TUT4: variants seen among roughly 807,000 people sequenced by gnomAD.
TUT4 encodes terminal uridylyltransferase 4.
A neutral mutation model predicts 192.2 loss-of-function variants in TUT4; 36 were observed. That is an observed-to-expected ratio of 0.19 (90% CI 0.14 to 0.25). The LOEUF (loss-of-function observed/expected upper bound fraction) is 0.25, where lower values mean the gene tolerates loss of function less well. Ranked by LOEUF, TUT4 falls within the 10% of genes least tolerant of loss-of-function variation. TUT4 has a pLI of 1.00. For synonymous variants in TUT4, 618 were observed against 666.0 expected, an observed-to-expected ratio of 0.93 and a Z score of 1.11; for missense variants, 1,493 against 1,957.2, an observed-to-expected ratio of 0.76 and a Z score of 4.47.
chr1:52,475,138 T>C lies in TUT4; in HGVS notation c.2421A>G (p.Glu807=). ...GTTTCTTATCTAATTTTGGCTCTAT[T>C]TCACTGCTTTTGCTGGTAGAAAGAG... ...SSSLSTSKSS[E]IEPKLDKKQD... Residue 807 remains glutamate (E), a synonymous_variant, in exon 13 of 30, where the codon GAA becomes GAG. Transcript: ENST00000257177. 2 of 1,614,174 alleles carry C rather than the reference T, an allele frequency of 1.2e-6. No homozygotes were observed. Among genetic ancestry groups the C allele is most frequent in the Non-Finnish European group, 1.7e-6 (2 of 1,180,028 alleles).
intron 9 of TUT4, among the ~76,000 whole-genome samples, chr1:52,484,422 C>CA (rs1669284710): frequency 6.6e-6 from 1 of 152,038 alleles, no homozygotes; most frequent in African/African-American, 2.4e-5. Flanking sequence ...TGAGCGTCCT[C>CA]AAATTTTGGT....
chr1:52,471,122 T>C (rs916319583), intron 14 of TUT4, among the ~76,000 whole-genome samples: 25 of 149,948 alleles, frequency 1.7e-4, no homozygotes, highest in African/African-American at 5.9e-4. Flanking sequence ...GTCCAAGCGA[T>C]TCTCCTGCCT....
intron 20 of TUT4, among the ~76,000 whole-genome samples, chr1:52,447,561 C>T (rs986424821): frequency 6.6e-6 from 1 of 151,234 alleles, no homozygotes; most frequent in South Asian, 2.1e-4. Context: ...AATCCGCTGT[C>T]CTAAGGAGAA....
At chr1:52,477,649 T>A in intron 12 of TUT4, 59 bp downstream of exon 12, 1 of 1,470,400 alleles carries the variant, frequency 6.8e-7, no homozygotes, top group South Asian at 1.3e-5. Context: ...AACACTGAAT[T>A]AGATAATGAG....
At chr1:52,474,640 C>A (rs1666640696) in intron 13 of TUT4, among the ~76,000 whole-genome samples, 192 bp downstream of exon 13, 1 of 152,052 alleles carries the variant, frequency 6.6e-6, no homozygotes. Context: ...AATGCTGAAA[C>A]CTTTTGAGGC....
intron 27 of TUT4, chr1:52,434,866 AACTT>A (rs1418598836): frequency 1.3e-5 from 2 of 152,074 alleles, no homozygotes; most frequent in Admixed American, 6.6e-5. Context: ...TAGTAAAATA[AACTT>A]ATGAGTCTGA....
At chr1:52,492,748 G>A (rs1418477344) in intron 7 of TUT4, among the ~76,000 whole-genome samples, 1 of 152,160 alleles carries the variant, frequency 6.6e-6, no homozygotes, top group Non-Finnish European at 1.5e-5. Flanking sequence ...CCTGGTTTGA[G>A]AATCTTGTAA....
chr1:52,528,507 A>AAT (rs1682465473), intron 1 of TUT4, among the ~76,000 whole-genome samples: 1 of 151,346 alleles, frequency 6.6e-6, no homozygotes, highest in African/African-American at 2.4e-5. Context: ...AAAAAAAAAA[A>AAT]GTGATTTTAT....
chr1:52,544,972 CTT>C, intron 1 of TUT4, among the ~76,000 whole-genome samples: 1 of 151,288 alleles, frequency 6.6e-6, no homozygotes, highest in Admixed American at 6.6e-5. Flanking sequence ...GGGATGATCT[CTT>C]GAGCCCAGGG....
chr1:52,526,689 T>C (rs115710644), intron 1 of TUT4, among the ~76,000 whole-genome samples: 1 of 152,158 alleles, frequency 6.6e-6, no homozygotes, highest in Admixed American at 6.6e-5. Flanking sequence ...ATTGAATGTA[T>C]CACAATTAAC....
Position 52,497,198 on chromosome 1 carries a change from A to G in TUT4, c.1000-15T>C, listed in dbSNP as rs1335680196. ...TCTTGTTTTTCCTATTAATGTAATG[A>G]TTCACAACAATAAAAACAAAAAAAG... On this transcript the variant is annotated splice_polypyrimidine_tract_variant and intron_variant, in intron 4 of 29. Transcript: ENST00000257177. 3 of 1,566,360 alleles carry G rather than the reference A, an allele frequency of 1.9e-6. No individual in the cohort carries two copies. Among genetic ancestry groups the G allele is most frequent in the Non-Finnish European group, 2.6e-6 (3 of 1,162,990 alleles).
At chr1:52,502,302 G>C (rs1674360505) in intron 4 of TUT4, among the ~76,000 whole-genome samples, 1 of 152,078 alleles carries the variant, frequency 6.6e-6, no homozygotes, top group Admixed American at 6.5e-5. Flanking sequence ...CATTTAAACA[G>C]TCACCAGTCT....
At chr1:52,451,928 G>GA (rs915017061) in intron 20 of TUT4, among the ~76,000 whole-genome samples, 9 of 151,550 alleles carry the variant, frequency 5.9e-5, no homozygotes, top group African/African-American at 2.2e-4. Flanking sequence ...TAAATAAACT[G>GA]AATCAATAAT....
At chr1:52,513,393 CAAA>C (rs554170439) in intron 3 of TUT4, among the ~76,000 whole-genome samples, 25 of 42,094 alleles carry the variant, frequency 5.9e-4, no homozygotes, top group African/African-American at 3.1e-3. Flanking sequence ...GACCCTGTCT[CAAA>C]AAAAAAAAAA....
rs1199608945 is a variant in TUT4 at position 52,461,145 on chromosome 1, C to T, written c.3310G>A (p.Val1104Met). ...TTTTTCATAAATACCTTAGCAAACACTTTCATAGTATATCCCAAATACTGC... is the reference window on the plus strand; with the variant it reads ...TTTTTCATAAATACCTTAGCAAACATTTTCATAGTATATCCCAAATACTGC... ...RVQYLGYTMK[V>M]FAKRCDIGDA... The change falls in exon 19 of 30, where the codon GTG (valine) becomes ATG (methionine). Residue 1104 changes from valine (V) to methionine (M), a missense_variant. Physicochemically the swap from Val to Met is conservative, Grantham distance 21. This residue lies in a region of TUT4 where 141 missense variants were observed against 382.7 expected (regional missense o/e 0.37). Transcript: ENST00000257177. 6.3e-7 allele frequency: 1 copy of T among 1,582,578 alleles called. No homozygotes were observed.
intron 6 of TUT4, among the ~76,000 whole-genome samples, chr1:52,494,727 T>C (rs1022492555): frequency 6.6e-6 from 1 of 152,068 alleles, no homozygotes; most frequent in Non-Finnish European, 1.5e-5. Context: ...TAACCATACA[T>C]TAATTATAAA....
At chr1:52,511,497 TAAAC>T (rs1419027234) in intron 3 of TUT4, among the ~76,000 whole-genome samples, 2 of 152,138 alleles carry the variant, frequency 1.3e-5, no homozygotes, top group Non-Finnish European at 2.9e-5. Context: ...AGACAGGTAA[TAAAC>T]AAATGCACAA....
At chr1:52,449,193 T>G (rs1020531508) in intron 20 of TUT4, among the ~76,000 whole-genome samples, 3 of 152,218 alleles carry the variant, frequency 2.0e-5, no homozygotes, top group Admixed American at 6.5e-5. Flanking sequence ...GTCAATCATA[T>G]TATAAGGATC....
chr1:52,531,697 A>G (rs184357866), intron 1 of TUT4, among the ~76,000 whole-genome samples: 147 of 152,262 alleles, frequency 9.7e-4, no homozygotes, highest in African/African-American at 3.4e-3. Flanking sequence ...TGTCTACAAT[A>G]TAACTAGGAA....
Sources: gnomAD v4.1 joint callset for allele counts (sites outside exome capture counted in the v4.1 genomes callset) on GRCh38, gnomAD v4.1.1 for gene constraint, gnomAD v4.1.1 regional missense constraint, MANE v1.5 for transcripts, NCBI Gene and HGNC (gene_info 2026-07-23, HGNC 2026-07-21) for gene names.